BANK1: variants seen among roughly 807,000 people sequenced by gnomAD.
BANK1 encodes B-cell scaffold protein with ankyrin repeats.
In BANK1, 95 loss-of-function variants were observed where a neutral mutation model predicts 94.5. The observed-to-expected ratio is 1.00, with a 90% CI of 0.85 to 1.19. BANK1 has a LOEUF of 1.19. Ranked by LOEUF, BANK1 falls within the 50% of genes most tolerant of loss-of-function variation. BANK1 has a pLI of 0.00. For synonymous variants in BANK1, 334 were observed against 308.4 expected, an observed-to-expected ratio of 1.08 and a Z score of -0.87; for missense variants, 987 against 932.2, an observed-to-expected ratio of 1.06 and a Z score of -0.77.
intron 16 of BANK1, 95 bp downstream of exon 16, chr4:102,073,843 A>G (rs1219402637): frequency 9.7e-6 from 9 of 931,182 alleles, no homozygotes; most frequent in African/African-American, 1.7e-5. Context: ...AATTTTTTAA[A>G]GATTTCATTG....
At chr4:101,992,700 A>T (rs1335586386) in intron 7 of BANK1, among the ~76,000 whole-genome samples, 3 of 152,214 alleles carry the variant, frequency 2.0e-5, no homozygotes, top group African/African-American at 7.2e-5. Context: ...AAAGAACAAG[A>T]TGATACATTT....
chr4:101,832,473 T>C (rs1457118707), intron 2 of BANK1, among the ~76,000 whole-genome samples: 1 of 152,170 alleles, frequency 6.6e-6, no homozygotes, highest in Non-Finnish European at 1.5e-5. Flanking sequence ...TTCTCTCTAA[T>C]CCCTTTGAGT....
chr4:101,891,827 G>C (rs1455019560), intron 5 of BANK1, among the ~76,000 whole-genome samples: 1 of 151,946 alleles, frequency 6.6e-6, no homozygotes, highest in African/African-American at 2.4e-5. Flanking sequence ...AAAAATTCTA[G>C]TTGGTTCTTC....
At chr4:101,889,442 C>CA (rs1280761091) in intron 5 of BANK1, among the ~76,000 whole-genome samples, 2 of 151,336 alleles carry the variant, frequency 1.3e-5, no homozygotes, top group African/African-American at 2.4e-5. Context: ...ACTAAAAATA[C>CA]AAAAAATTAG....
chr4:101,908,847 C>T (rs1337942635), intron 6 of BANK1, among the ~76,000 whole-genome samples: 1 of 152,154 alleles, frequency 6.6e-6, no homozygotes, highest in Non-Finnish European at 1.5e-5. Flanking sequence ...CAAATCAAAA[C>T]CACAATAAGA....
intron 7 of BANK1, among the ~76,000 whole-genome samples, chr4:102,020,516 C>T (rs1260789720): frequency 6.6e-6 from 1 of 151,936 alleles, no homozygotes; most frequent in Admixed American, 6.6e-5. Context: ...CTCTGGATGA[C>T]ATTAGTGTTT....
chr4:102,067,760 T>A (rs1728640735), intron 13 of BANK1, among the ~76,000 whole-genome samples: 2 of 152,004 alleles, frequency 1.3e-5, no homozygotes, highest in Non-Finnish European at 2.9e-5. Flanking sequence ...CAAAAATCAT[T>A]AAAGATACAG....
At chr4:102,043,121 T>C (rs1044457150) in intron 10 of BANK1, among the ~76,000 whole-genome samples, 1 of 152,070 alleles carries the variant, frequency 6.6e-6, no homozygotes, top group Non-Finnish European at 1.5e-5. Context: ...ATGTTCATTT[T>C]CTAAAGTAAA....
At chr4:101,994,839 A>C (rs1725822179) in intron 7 of BANK1, among the ~76,000 whole-genome samples, 1 of 152,204 alleles carries the variant, frequency 6.6e-6, no homozygotes, top group African/African-American at 2.4e-5. Flanking sequence ...ATGGGGTCAC[A>C]GCTGAGAAGC....
intron 1 of BANK1, among the ~76,000 whole-genome samples, chr4:101,815,132 T>C (rs1234543623): frequency 2.6e-5 from 4 of 151,796 alleles, no homozygotes; most frequent in Non-Finnish European, 4.4e-5. Context: ...GAAAGTGGAG[T>C]TTATAATGTG....
chr4:102,039,371 C>T (rs74934013), intron 10 of BANK1, among the ~76,000 whole-genome samples: 1 of 152,114 alleles, frequency 6.6e-6, no homozygotes, highest in East Asian at 1.9e-4. Context: ...TACATCTTTC[C>T]TCTAAGCTTC....
At chr4:102,015,723 G>GA (rs1726675927) in intron 7 of BANK1, among the ~76,000 whole-genome samples, 2 of 152,040 alleles carry the variant, frequency 1.3e-5, no homozygotes. Flanking sequence ...TCAAAGCTGT[G>GA]AAAAATCGTG....
intron 1 of BANK1, among the ~76,000 whole-genome samples, chr4:101,816,609 G>A (rs1725927667): frequency 6.7e-6 from 1 of 150,306 alleles, no homozygotes; most frequent in African/African-American, 2.5e-5. Flanking sequence ...TGAGGTTACA[G>A]ATGTATGTTG....
chr4:101,898,239 A>G (rs912400135), intron 6 of BANK1, among the ~76,000 whole-genome samples: 2 of 152,016 alleles, frequency 1.3e-5, no homozygotes, highest in Admixed American at 6.6e-5. Flanking sequence ...ATAGTCTTGG[A>G]TCAATGTCAG....
At chr4:101,909,681 A>G (rs1301509763) in intron 6 of BANK1, among the ~76,000 whole-genome samples, 2 of 152,110 alleles carry the variant, frequency 1.3e-5, no homozygotes, top group Non-Finnish European at 2.9e-5. Flanking sequence ...TGCTGCAGAG[A>G]TTTTGTTTAT....
chr4:101,990,932 A>C (rs1165522425), intron 7 of BANK1, among the ~76,000 whole-genome samples: 1 of 152,216 alleles, frequency 6.6e-6, no homozygotes, highest in East Asian at 1.9e-4. Flanking sequence ...CTTGGCATGC[A>C]GTAGGTATTC....
At chr4:102,040,921 G>GT in intron 10 of BANK1, among the ~76,000 whole-genome samples, 2 of 152,118 alleles carry the variant, frequency 1.3e-5, no homozygotes, top group Middle Eastern at 6.8e-3. Flanking sequence ...GGGAAAAGCC[G>GT]TTTTTCCATG....
intron 7 of BANK1, among the ~76,000 whole-genome samples, chr4:101,950,623 A>G (rs1724116318): frequency 6.6e-6 from 1 of 152,202 alleles, no homozygotes. Flanking sequence ...TAACAAACAT[A>G]AAGTTTAAAA....
intron 2 of BANK1, among the ~76,000 whole-genome samples, chr4:101,847,901 T>G (rs1344443749): frequency 6.6e-6 from 1 of 152,138 alleles, no homozygotes; most frequent in Non-Finnish European, 1.5e-5. Context: ...GTTCAAATTG[T>G]TACAAAGTTC....
Sources: gnomAD v4.1 joint callset for allele counts (sites outside exome capture counted in the v4.1 genomes callset) on GRCh38, gnomAD v4.1.1 for gene constraint, MANE v1.5 for transcripts, NCBI Gene and HGNC (gene_info 2026-07-23, HGNC 2026-07-21) for gene names.